The following RHOBTB1 variants were observed in gnomAD, a reference collection of about 807,000 sequenced individuals.
The protein encoded by RHOBTB1 is Rho related BTB domain containing 1, also known as rho-related BTB domain-containing protein 1.
RHOBTB1 carries 40 observed loss-of-function variants against 71.6 expected under a neutral mutation model. The ratio of observed to expected loss-of-function variants is 0.56; its 90% CI spans 0.43 to 0.73. The LOEUF (loss-of-function observed/expected upper bound fraction) is 0.73. Ranked by LOEUF, RHOBTB1 falls within the 30% of genes least tolerant of loss-of-function variation. The probability of loss-of-function intolerance (pLI) is 0.00; values close to 1 mark genes in which losing one functional copy is unlikely to be tolerated. For missense variants in RHOBTB1, 797 were observed against 894.0 expected, an observed-to-expected ratio of 0.89 and a Z score of 1.38; for synonymous variants, 319 against 334.9, an observed-to-expected ratio of 0.95 and a Z score of 0.52.
intron 2 of RHOBTB1, among the ~76,000 whole-genome samples, chr10:60,933,733 C>T (rs888667704): frequency 2.6e-5 from 4 of 151,794 alleles, no homozygotes; most frequent in Non-Finnish European, 1.5e-5. Context: ...ATCATCATAT[C>T]ACTATTTGTG....
chr10:60,980,595 C>T (rs1290100369), intron 2 of RHOBTB1, among the ~76,000 whole-genome samples: 1 of 151,588 alleles, frequency 6.6e-6, no homozygotes, highest in Non-Finnish European at 1.5e-5. Context: ...AATGAAGGAA[C>T]CCAGAGTTTG....
intron 4 of RHOBTB1, among the ~76,000 whole-genome samples, chr10:60,908,918 A>G (rs761695282): frequency 6.6e-6 from 1 of 152,200 alleles, no homozygotes; most frequent in Admixed American, 6.5e-5. Context: ...AAGCCCCTCA[A>G]TGTTGCTCAG....
chr10:60,906,433 A>C (rs115150271), intron 4 of RHOBTB1, among the ~76,000 whole-genome samples: 2,518 of 152,352 alleles, frequency 0.017, 30 homozygotes, highest in African/African-American at 0.038. Context: ...AAGATTCAGA[A>C]TGTACCAGGA....
At chr10:60,967,292 T>G (rs1418890231) in intron 2 of RHOBTB1, among the ~76,000 whole-genome samples, 1 of 150,176 alleles carries the variant, frequency 6.7e-6, no homozygotes. Flanking sequence ...CCTGTTTTTT[T>G]TTTTTTTTTT....
chr10:60,951,680 G>GTCT (rs2085412901), intron 2 of RHOBTB1, among the ~76,000 whole-genome samples: 1 of 152,176 alleles, frequency 6.6e-6, no homozygotes, highest in South Asian at 2.1e-4. Flanking sequence ...TTGGTGAGAG[G>GTCT]CACGGAAGCT....
intron 4 of RHOBTB1, among the ~76,000 whole-genome samples, chr10:60,910,208 G>A (rs911623596): frequency 2.6e-5 from 4 of 152,150 alleles, no homozygotes; most frequent in Middle Eastern, 3.2e-3. Flanking sequence ...TGAGAGAGAC[G>A]TTAAGTTATG....
chr10:60,973,241 T>G (rs2086219046), intron 2 of RHOBTB1, among the ~76,000 whole-genome samples: 1 of 152,026 alleles, frequency 6.6e-6, no homozygotes, highest in Admixed American at 6.6e-5. Context: ...CTCACATATC[T>G]CAGGGCAGAT....
intron 4 of RHOBTB1, among the ~76,000 whole-genome samples, chr10:60,895,593 G>A (rs910696172): frequency 4.6e-5 from 7 of 152,082 alleles, no homozygotes; most frequent in African/African-American, 1.7e-4. Context: ...TAGTAGAGAC[G>A]GGGTTTCTCC....
chr10:60,991,315 G>C (rs1420942982), intron 1 of RHOBTB1, among the ~76,000 whole-genome samples: 1 of 152,078 alleles, frequency 6.6e-6, no homozygotes, highest in Admixed American at 6.5e-5. Flanking sequence ...CTAGGATAAA[G>C]GCATATTTCT....
Position 60,871,569 on chromosome 10 carries a change from C to T in RHOBTB1, c.2004G>A (p.Arg668=). The T allele has an allele frequency of 6.2e-7, 1 of 1,614,050 alleles. No individual in the cohort carries two copies. The highest frequency in any genetic ancestry group is 8.5e-7 in the Non-Finnish European group (1 of 1,179,996). Residue 668 remains arginine (R), a synonymous_variant, in exon 11 of 11, where the codon AGG becomes AGA. Coordinates refer to ENST00000337910, the MANE Select transcript of RHOBTB1 (RefSeq NM_014836.5). ...KEEDHYQRVK[R]EREKEDIALN... is the part of the protein sequence containing the mutation. ...GTGCAATATCTTCCTTCTCTCGTTC[C>T]CTTTTCACACGCTGGTAGTGATCTT...
intron 2 of RHOBTB1, among the ~76,000 whole-genome samples, chr10:60,981,610 A>C (rs2086497412): frequency 3.3e-5 from 5 of 152,170 alleles, no homozygotes; most frequent in Admixed American, 3.3e-4. Context: ...TTCATGTATC[A>C]CATAACCAAT....
downstream of RHOBTB1, among the ~76,000 whole-genome samples, chr10:60,866,423 G>C (rs764527212): frequency 2.0e-5 from 3 of 152,188 alleles, no homozygotes; most frequent in Non-Finnish European, 4.4e-5. Context: ...TGTATATAAA[G>C]AAACCCATGT....
Position 60,986,426 on chromosome 10 carries a change from TATATAAA to T in RHOBTB1, c.-162-488_-162-482del, listed in dbSNP as rs1337384158. Among the ~76,000 whole-genome samples the T allele has an allele frequency of 3.5e-4, 50 of 144,072 alleles. 2 individuals carry two copies. Among genetic ancestry groups the T allele is most frequent in the Middle Eastern group, 3.6e-3 (1 of 278 alleles). 94.5% of individuals were successfully genotyped at this position (144,072 alleles called of 152,430 possible). A position where few individuals can be genotyped will look rare whatever the true frequency, so the allele number is the denominator to read the frequency against. On this transcript the variant is annotated intron_variant, in intron 1 of 11. Coordinates refer to the RHOBTB1 transcript ENST00000357917. ...AAAGATATATATATATATATATATA[TATATAAA>T]ATATATATAGGCCATATATACTGGT... is the stretch of plus-strand genomic sequence containing the variant.
intron 5 of RHOBTB1, among the ~76,000 whole-genome samples, chr10:60,890,301 CT>C (rs1442233714): frequency 6.6e-6 from 1 of 152,068 alleles, no homozygotes; most frequent in Non-Finnish European, 1.5e-5. Flanking sequence ...TTCACACCCA[CT>C]CCTCACATTT....
At chr10:60,919,948 T>C (rs751851834) in intron 2 of RHOBTB1, among the ~76,000 whole-genome samples, 6 of 152,036 alleles carry the variant, frequency 3.9e-5, no homozygotes, top group Non-Finnish European at 8.8e-5. Context: ...CTTGAAAAAA[T>C]AAACCAAAAA....
chr10:60,870,515 A>C lies in RHOBTB1; in HGVS notation c.*967T>G, dbSNP rs1047570831. 1 of 152,182 alleles carries C rather than the reference A, an allele frequency of 6.6e-6. No individual in the cohort carries two copies. The highest frequency in any genetic ancestry group is 2.4e-5 in the African/African-American group (1 of 41,452). 9.4% of individuals were successfully genotyped at this position (152,182 alleles called of 1,614,324 possible). ...CTGAGGAAGCCTGTTTCTGGTGGTG[A>C]GATGTGACAAGCCTGTAGATGGCAG... is the stretch of plus-strand genomic sequence containing the variant. On this transcript the variant is annotated 3_prime_UTR_variant, in exon 11 of 11. Coordinates refer to ENST00000337910, the MANE Select transcript of RHOBTB1 (RefSeq NM_014836.5).
chr10:60,898,770 A>G (rs1266802451), intron 4 of RHOBTB1, among the ~76,000 whole-genome samples: 1 of 152,182 alleles, frequency 6.6e-6, no homozygotes, highest in African/African-American at 2.4e-5. Context: ...AGCTTGTGCA[A>G]CTATTTTTTT....
the RHOBTB1 span, among the ~76,000 whole-genome samples, chr10:60,861,463 G>T: frequency 6.6e-6 from 1 of 152,116 alleles, no homozygotes; most frequent in Non-Finnish European, 1.5e-5. Flanking sequence ...AATGAGATGT[G>T]AAATTATCTT....
At chr10:60,981,004 G>A (rs892782153) in intron 2 of RHOBTB1, among the ~76,000 whole-genome samples, 2 of 152,134 alleles carry the variant, frequency 1.3e-5, no homozygotes. Context: ...AGAAAGATGT[G>A]TACATTATTC....
Sources: gnomAD v4.1 joint callset for allele counts (sites outside exome capture counted in the v4.1 genomes callset) on GRCh38, gnomAD v4.1.1 for gene constraint, MANE v1.5 for transcripts, NCBI Gene and HGNC (gene_info 2026-07-23, HGNC 2026-07-21) for gene names.